TENM1: variants seen among roughly 807,000 people sequenced by gnomAD.
TENM1 encodes teneurin transmembrane protein 1.
A neutral mutation model predicts 174.8 loss-of-function variants in TENM1; 35 were observed. The observed-to-expected ratio is 0.20, with a 90% confidence interval of 0.15 to 0.27. The LOEUF (loss-of-function observed/expected upper bound fraction) is 0.27. Ranked by LOEUF, TENM1 falls within the 10% of genes least tolerant of loss-of-function variation. The pLI, the probability that TENM1 is intolerant of heterozygous loss-of-function variation, is 1.00. For missense variants in TENM1, 1,633 were observed against 2,130.1 expected (o/e 0.77, Z 4.59); for synonymous variants, 781 against 798.7 (o/e 0.98, Z 0.37).
At chrX:124,477,821 G>A (rs2046764877) in intron 22 of TENM1, among the ~76,000 whole-genome samples, 1 of 111,095 alleles carries the variant, frequency 9.0e-6, no homozygotes, top group African/African-American at 3.2e-5. Flanking sequence ...TTGAATTCCA[G>A]TGTTGTTATC....
chrX:125,029,915 T>G, the TENM1 span, among the ~76,000 whole-genome samples: 2 of 111,955 alleles, frequency 1.8e-5, no homozygotes, highest in Non-Finnish European at 3.8e-5. Context: ...ATGGTAGATA[T>G]TTGGAACAGG....
intron 6 of TENM1, among the ~76,000 whole-genome samples, chrX:124,660,954 A>T (rs915637813): frequency 8.9e-6 from 1 of 112,561 alleles, no homozygotes; most frequent in African/African-American, 3.2e-5. Context: ...ATCATTATTC[A>T]CAATAGCCCA....
At chrX:124,409,428 G>C (rs1406802755) in intron 25 of TENM1, among the ~76,000 whole-genome samples, 1 of 107,818 alleles carries the variant, frequency 9.3e-6, no homozygotes, top group African/African-American at 3.4e-5. Context: ...TACTGAATGG[G>C]CAAAAACTGG....
the TENM1 span, among the ~76,000 whole-genome samples, chrX:124,989,021 C>T: frequency 1.8e-5 from 2 of 111,614 alleles, no homozygotes; most frequent in South Asian, 7.4e-4. Flanking sequence ...TCTGGTTCAC[C>T]GCTTCTATTC....
At chrX:124,595,752 T>TAAAC (rs200094678) in intron 11 of TENM1, among the ~76,000 whole-genome samples, 27,937 of 110,564 alleles carry the variant, frequency 0.25, 2,779 homozygotes, top group South Asian at 0.4. Flanking sequence ...GTATATAAAA[T>TAAAC]AAATCATCTT....
intron 11 of TENM1, among the ~76,000 whole-genome samples, chrX:124,602,705 A>G (rs2050057334): frequency 9.1e-6 from 1 of 110,145 alleles, no homozygotes; most frequent in Non-Finnish European, 1.9e-5. Flanking sequence ...TCACGGTTTT[A>G]ATGGTACTGG....
At chrX:124,921,387 C>G (rs2058019944) in intron 1 of TENM1, among the ~76,000 whole-genome samples, 1 of 110,710 alleles carries the variant, frequency 9.0e-6, no homozygotes, top group African/African-American at 3.3e-5. Context: ...AAAAAACTTT[C>G]CATTTATTTT....
chrX:124,661,154 G>T (rs1019484873), intron 6 of TENM1, among the ~76,000 whole-genome samples: 31 of 111,704 alleles, frequency 2.8e-4, no homozygotes, highest in Non-Finnish European at 5.3e-4. Flanking sequence ...GCCAGGGGTT[G>T]GAAGGAGGTG....
the TENM1 span, among the ~76,000 whole-genome samples, chrX:124,982,270 GAAAAAAAAA>G: frequency 1.9e-4 from 2 of 10,555 alleles, no homozygotes; most frequent in Non-Finnish European, 1.5e-4. Flanking sequence ...AAGAAAATGT[GAAAAAAAAA>G]AAAAAAAAAA....
At chrX:124,555,569 A>G (rs1472978860) in intron 14 of TENM1, among the ~76,000 whole-genome samples, 1 of 111,863 alleles carries the variant, frequency 8.9e-6, no homozygotes, top group Non-Finnish European at 1.9e-5. Context: ...ATAAGGCATC[A>G]TTTTGAAAAG....
intron 5 of TENM1, among the ~76,000 whole-genome samples, chrX:124,676,987 A>C (rs2052105252): frequency 9.0e-6 from 1 of 110,742 alleles, no homozygotes; most frequent in Non-Finnish European, 1.9e-5. Context: ...TCTGTTGCAC[A>C]CTTGAAGTGT....
intron 3 of TENM1, among the ~76,000 whole-genome samples, chrX:124,866,790 T>C (rs2057016877): frequency 9.0e-6 from 1 of 110,826 alleles, no homozygotes; most frequent in East Asian, 2.8e-4. Context: ...TCCAAATAAA[T>C]AAAATCAGAA....
At chrX:124,957,676 A>C (rs763791542) in intron 1 of TENM1, among the ~76,000 whole-genome samples, 10 of 111,181 alleles carry the variant, frequency 9.0e-5, no homozygotes, top group African/African-American at 2.0e-4. Flanking sequence ...GAAGAGAAAA[A>C]CAACCAACCA....
intron 18 of TENM1, among the ~76,000 whole-genome samples, chrX:124,512,003 A>G (rs757267820): frequency 8.9e-6 from 1 of 112,311 alleles, no homozygotes; most frequent in Admixed American, 9.5e-5. Flanking sequence ...AACCTTGAAG[A>G]AAAATAGAAT....
the TENM1 span, among the ~76,000 whole-genome samples, chrX:125,201,327 C>A: frequency 2.7e-5 from 3 of 112,107 alleles, no homozygotes; most frequent in Non-Finnish European, 5.6e-5. Flanking sequence ...ATGTATAATA[C>A]AATTTTATTT....
intron 12 of TENM1, among the ~76,000 whole-genome samples, chrX:124,564,076 C>T (rs901672686): frequency 5.3e-5 from 6 of 112,273 alleles, no homozygotes; most frequent in African/African-American, 1.9e-4. Flanking sequence ...TGAAAGAGCA[C>T]TGGCTTCAAC....
chrX:125,018,884 T>C, the TENM1 span, among the ~76,000 whole-genome samples: 1 of 111,846 alleles, frequency 8.9e-6, no homozygotes, highest in Admixed American at 9.5e-5. Flanking sequence ...AAACATATAA[T>C]TAACAGATTG....
In TENM1 at chrX:124,733,513, C is replaced by A. The variant is rs1019258999; in HGVS notation, c.776+3444G>T. Among the ~76,000 whole-genome samples the A allele has an allele frequency of 4.5e-5, 5 of 111,984 alleles. No individual in the cohort carries two copies. The East Asian group carries it at 1.4e-3, about 31-fold the overall frequency. Reference sequence around the variant, plus strand: ...TCAGGCATTTGTATATTCATTTTTACAGATGAGGAGGCTGAGGCTCAGACA... The same window carrying A: ...TCAGGCATTTGTATATTCATTTTTAAAGATGAGGAGGCTGAGGCTCAGACA... On this transcript the variant is annotated intron_variant, in intron 4 of 31. Coordinates refer to ENST00000422452, the Ensembl canonical transcript of TENM1.
At chrX:125,102,433 G>T in the TENM1 span, among the ~76,000 whole-genome samples, 1 of 110,765 alleles carries the variant, frequency 9.0e-6, no homozygotes, top group South Asian at 3.8e-4. Context: ...CAATTTAAGG[G>T]TTAGAGCTGC....
Sources: allele counts gnomAD v4.1 joint callset (sites outside exome capture counted in the v4.1 genomes callset), GRCh38; gene constraint gnomAD v4.1.1; transcripts MANE v1.5; gene names NCBI Gene and HGNC (gene_info 2026-07-23, HGNC 2026-07-21).